Variants in CAPS2 observed in about 807,000 individuals in gnomAD.
The protein encoded by CAPS2 is calcyphosin-2.
Under a neutral mutation model 86.5 loss-of-function variants are expected in CAPS2, and 98 were observed. The ratio of observed to expected loss-of-function variants is 1.13; its 90% CI spans 0.96 to 1.34. The LOEUF (loss-of-function observed/expected upper bound fraction) is 1.34, where lower values mean the gene tolerates loss of function less well. CAPS2 is among the 40% of genes most tolerant of loss of function. CAPS2 has a pLI of 0.00. For missense variants in CAPS2, 729 were observed against 686.8 expected, an observed-to-expected ratio of 1.06 and a Z score of -0.69; for synonymous variants, 210 against 225.1, an observed-to-expected ratio of 0.93 and a Z score of 0.60.
intron 7 of CAPS2, chr12:75,306,025 A>T: frequency 6.8e-7 from 1 of 1,466,276 alleles, no homozygotes; most frequent in Non-Finnish European, 9.3e-7. Flanking sequence ...GCCTCATTCT[A>T]CTTGAAGGGC....
chr12:75,304,056 A>G (rs904565846), intron 8 of CAPS2, among the ~76,000 whole-genome samples: 5 of 152,234 alleles, frequency 3.3e-5, no homozygotes, highest in Non-Finnish European at 7.3e-5. Flanking sequence ...CAATTAAACA[A>G]TAAATCTGTG....
At chr12:75,292,703 T>C (rs1250201066) in intron 12 of CAPS2, among the ~76,000 whole-genome samples, 1 of 147,238 alleles carries the variant, frequency 6.8e-6, no homozygotes. Context: ...AATATGTATA[T>C]ATTATATATT....
At chr12:75,305,607 C>A in intron 7 of CAPS2, 1 of 611,326 alleles carries the variant, frequency 1.6e-6, no homozygotes, top group Non-Finnish European at 3.1e-6. Context: ...CCCCAGGCCC[C>A]GAGCGACCGG....
intron 8 of CAPS2, among the ~76,000 whole-genome samples, chr12:75,301,708 T>TAG (rs2037840916): frequency 6.6e-6 from 1 of 152,196 alleles, no homozygotes; most frequent in African/African-American, 2.4e-5. Context: ...ACCATTACAT[T>TAG]ATATTGCTTT....
chr12:75,362,526 A>T lies in CAPS2; in HGVS notation c.-395+28312T>A, dbSNP rs147714061. On this transcript the variant is annotated intron_variant, in intron 1 of 5. Transcript: ENST00000551829. ...GAAGAATATGTAACTAAATTGTGGCATATTCTTTAATGGAATACTACTCAT... is the reference window on the plus strand; with the variant it reads ...GAAGAATATGTAACTAAATTGTGGCTTATTCTTTAATGGAATACTACTCAT... 5.4e-4 allele frequency among the ~76,000 whole-genome samples: 82 copies of T among 152,316 alleles called. No homozygotes were observed. In the East Asian group the frequency reaches 0.014, roughly 27 times the overall value.
At chr12:75,372,363 C>G (rs2139725157) in intron 1 of CAPS2, among the ~76,000 whole-genome samples, 1 of 152,290 alleles carries the variant, frequency 6.6e-6, no homozygotes, top group Middle Eastern at 3.4e-3. Context: ...CACTATAACT[C>G]TTGTTAGCCT....
intron 1 of CAPS2, chr12:75,369,594 T>C (rs1218330835): frequency 2.0e-6 from 2 of 984,622 alleles, no homozygotes; most frequent in South Asian, 4.7e-5. Flanking sequence ...ATGAATGAGA[T>C]TGTTAATGAG....
intron 1 of CAPS2, among the ~76,000 whole-genome samples, chr12:75,336,214 A>T (rs1372158563): frequency 2.0e-5 from 3 of 151,904 alleles, no homozygotes; most frequent in African/African-American, 4.8e-5. Context: ...ATATACAAAG[A>T]AGTAGAGCTA....
intron 1 of CAPS2, among the ~76,000 whole-genome samples, chr12:75,356,191 T>C (rs569275793): frequency 6.6e-6 from 1 of 152,120 alleles, no homozygotes; most frequent in Admixed American, 6.6e-5. Context: ...CCAGCAGATT[T>C]TTCAGTGGAC....
chr12:75,339,735 T>G, intron 1 of CAPS2, among the ~76,000 whole-genome samples: 1 of 152,194 alleles, frequency 6.6e-6, no homozygotes. Context: ...TACATTTAAG[T>G]CTTTAATCCA....
intron 1 of CAPS2, among the ~76,000 whole-genome samples, chr12:75,385,375 G>A (rs1326114718): frequency 6.6e-6 from 1 of 151,998 alleles, no homozygotes; most frequent in Non-Finnish European, 1.5e-5. Flanking sequence ...ATAGATGCAG[G>A]AAGAGCACTG....
At chr12:75,373,839 CAGG>C (rs1461656155) in intron 1 of CAPS2, 2 of 152,244 alleles carry the variant, frequency 1.3e-5, no homozygotes, top group African/African-American at 4.8e-5. Context: ...CTTGTGCCTT[CAGG>C]ATCTGCTTGC....
Position 75,320,552 on chromosome 12 carries a change from T to C in CAPS2, c.468+848A>G, listed in dbSNP as rs183372231. On this transcript the variant is annotated intron_variant, in intron 5 of 16. Coordinates refer to ENST00000393284, the Ensembl canonical transcript of CAPS2. ...TTAATTTTGTTACTCTTTCAGCTAA[T>C]CACTGTGTGATTTATTTAATTCTAG... 3.9e-5 allele frequency among the ~76,000 whole-genome samples: 6 copies of C among 152,176 alleles called. No homozygotes were observed. In the East Asian group the frequency reaches 1.2e-3, roughly 29 times the overall value.
chr12:75,284,864 T>G lies in CAPS2; in HGVS notation c.1515+97A>C, dbSNP rs529829437. On this transcript the variant is annotated intron_variant, in intron 15 of 16. Transcript: ENST00000393284. Reference sequence around the variant, plus strand: ...TAAACCCAACATATAAGTAAATAGATTTAAAACTTTTAAATGGTAATTCAT... The same window carrying G: ...TAAACCCAACATATAAGTAAATAGAGTTAAAACTTTTAAATGGTAATTCAT... 10 of 1,154,864 alleles carry G rather than the reference T, an allele frequency of 8.7e-6. No individual in the cohort carries two copies. The East Asian group carries it at 2.7e-4, about 32-fold the overall frequency. The allele number at this position is 1,154,864 out of a possible 1,614,324, so 71.5% of individuals were successfully genotyped here. A position where few individuals can be genotyped will look rare whatever the true frequency, so the allele number is the denominator to read the frequency against.
upstream of CAPS2, among the ~76,000 whole-genome samples, chr12:75,327,644 T>A (rs2040911631): frequency 6.6e-6 from 1 of 151,834 alleles, no homozygotes; most frequent in South Asian, 2.1e-4. Flanking sequence ...TAATCCTGAT[T>A]TTTGCCATTT....
intron 1 of CAPS2, among the ~76,000 whole-genome samples, chr12:75,384,187 A>G (rs1050941701): frequency 6.6e-6 from 1 of 152,214 alleles, no homozygotes; most frequent in Admixed American, 6.5e-5. Flanking sequence ...AAAATTGAAA[A>G]CAAAATTAAT....
chr12:75,337,477 A>C (rs2041816511), intron 1 of CAPS2, among the ~76,000 whole-genome samples: 1 of 151,966 alleles, frequency 6.6e-6, no homozygotes, highest in African/African-American at 2.4e-5. Context: ...TATACTAATA[A>C]ATTTTACAAC....
chr12:75,299,875 A>G (rs763001921), exon 9 of CAPS2: 24 of 1,542,046 alleles, frequency 1.6e-5, no homozygotes, highest in Non-Finnish European at 2.1e-5. Flanking sequence ...ATTTATGAGA[A>G]AGCACATTTT....
At chr12:75,328,883 G>GT (rs2041035986), upstream of CAPS2, among the ~76,000 whole-genome samples, 1 of 152,190 alleles carries the variant, frequency 6.6e-6, no homozygotes, top group Non-Finnish European at 1.5e-5. Context: ...CTTAGATATA[G>GT]TAAGAGTATT....
Sources: allele counts gnomAD v4.1 joint callset (sites outside exome capture counted in the v4.1 genomes callset), GRCh38; gene constraint gnomAD v4.1.1; transcripts MANE v1.5; gene names NCBI Gene and HGNC (gene_info 2026-07-23, HGNC 2026-07-21).